Variants in RADIL observed in about 807,000 individuals in gnomAD.
RADIL encodes Rap associating with DIL domain.
Under a neutral mutation model 97.6 loss-of-function variants are expected in RADIL, and 99 were observed. The observed-to-expected ratio is 1.01, with a 90% CI of 0.86 to 1.20. The LOEUF is 1.20. Among genes scored for constraint, RADIL ranks in the 50% most tolerant of loss-of-function variants. RADIL has a pLI of 0.00. For synonymous variants in RADIL, 803 were observed against 691.8 expected (o/e 1.16, Z -2.52); for missense variants, 1,765 against 1,498.9 (o/e 1.18, Z -2.93).
chr7:4,843,185 T>C (rs760603421), intron 2 of RADIL, among the ~76,000 whole-genome samples: 16 of 151,572 alleles, frequency 1.1e-4, no homozygotes, highest in Non-Finnish European at 1.9e-4. Flanking sequence ...AGCTAATTTT[T>C]TGTATTTTTA....
intron 2 of RADIL, among the ~76,000 whole-genome samples, chr7:4,841,051 G>A (rs572352007): frequency 1.1e-4 from 17 of 152,342 alleles, no homozygotes; most frequent in Middle Eastern, 3.4e-3. Context: ...CAGGACGGCC[G>A]CAGCCTTTCA....
rs550743194 is a variant in RADIL, at chr7:4,879,513, A to G, written c.-64-1310T>C. Among the ~76,000 whole-genome samples, 1 of 152,264 alleles carries G rather than the reference A, an allele frequency of 6.6e-6. No homozygotes were observed. Among genetic ancestry groups the G allele is most frequent in the East Asian group, 1.9e-4 (1 of 5,180 alleles). On this transcript the variant is annotated intron_variant, in intron 1 of 14. Coordinates refer to ENST00000399583, the MANE Select transcript of RADIL (RefSeq NM_018059.5). The surrounding 1 kb of genome is among the most constrained non-coding windows in gnomAD (Gnocchi z 4.1). ...GACGAGTGAGCCAGGAGGAAAGCCTATTTTCTGGAAAGCTCTGGAAAGAGT... is the reference window on the plus strand; with the variant it reads ...GACGAGTGAGCCAGGAGGAAAGCCTGTTTTCTGGAAAGCTCTGGAAAGAGT...
At position 4,798,640 on chromosome 7, in the gene RADIL, G is replaced by A. The variant is rs1232720062; in HGVS notation, c.*738C>T. 6.6e-6 allele frequency: 1 copy of A among 152,494 alleles called. No homozygotes were observed. Among genetic ancestry groups the A allele is most frequent in the African/African-American group, 2.4e-5 (1 of 41,462 alleles). 9.4% of individuals were successfully genotyped at this position (152,494 alleles called of 1,614,324 possible). On this transcript the variant is annotated 3_prime_UTR_variant, in exon 15 of 15. Transcript: ENST00000399583. ...CCGGGTTAGGGCCGGTGGCCAGGGG[G>A]ACGCTGGTGAGGATTAAGGGCCTGG... is the stretch of plus-strand genomic sequence containing the variant.
At position 4,849,048 on chromosome 7, in the gene RADIL, G is replaced by A. The variant is rs1783644893; in HGVS notation, c.536-12443C>T. On this transcript the variant is annotated intron_variant, in intron 2 of 14. Coordinates refer to ENST00000399583, the MANE Select transcript of RADIL (RefSeq NM_018059.5). The surrounding 1 kb of genome is among the most constrained non-coding windows in gnomAD (Gnocchi z 5.4). ...AGCTACTCGAGAGACTGAAGCAGGA[G>A]AATCGTTTGAACCTGGGAGGCAGAG... Among the ~76,000 whole-genome samples the A allele has an allele frequency of 6.6e-6, 1 of 151,582 alleles. No individual in the cohort carries two copies. Among genetic ancestry groups the A allele is most frequent in the Non-Finnish European group, 1.5e-5 (1 of 67,972 alleles).
At chr7:4,808,614 G>A in intron 9 of RADIL, 2 of 985,326 alleles carry the variant, frequency 2.0e-6, no homozygotes, top group Non-Finnish European at 2.4e-6. Flanking sequence ...TTTACAAGAA[G>A]CAGCCCCGCG....
intron 4 of RADIL, among the ~76,000 whole-genome samples, chr7:4,832,810 C>T (rs945486778): frequency 1.1e-4 from 16 of 150,754 alleles, no homozygotes; most frequent in African/African-American, 3.7e-4. Context: ...CTGAATGTAA[C>T]CGTGATGGCT....
In RADIL at chr7:4,836,588, G is replaced by A. The variant is rs779106158; in HGVS notation, c.553C>T (p.Arg185Trp). 9.3e-6 allele frequency: 15 copies of A among 1,607,386 alleles called. No individual in the cohort carries two copies. The highest frequency in any genetic ancestry group is 5.5e-5 in the South Asian group (5 of 91,048). ...TTCGCGCGACTCCGCTGCAGCCTCC[G>A]GGCCTGGGCGTTTATCCCTGGAACA... ...TITAGINAQA[R>W]RLQRSRAKGT... is the part of the protein sequence containing the mutation. The change falls in exon 3 of 15, where the codon CGG (arginine) becomes TGG (tryptophan). Residue 185 changes from arginine to tryptophan, a missense_variant. Coordinates refer to ENST00000399583, the MANE Select transcript of RADIL (RefSeq NM_018059.5).
chr7:4,840,242 G>A lies in RADIL; in HGVS notation c.536-3637C>T, dbSNP rs1415232151. ...AGTTCCCATAGAGAGAGCTGCAATC[G>A]TGCCCTGTTTGTGCCTGACCTGATA... On this transcript the variant is annotated intron_variant, in intron 2 of 14. Transcript: ENST00000399583. This position sits in a 1 kb window ranked among gnomAD's most constrained non-coding sequence, Gnocchi z 5.6. Among the ~76,000 whole-genome samples, 2 of 152,042 alleles carry A rather than the reference G, an allele frequency of 1.3e-5. No homozygotes were observed. Among genetic ancestry groups the A allele is most frequent in the Non-Finnish European group, 2.9e-5 (2 of 67,990 alleles).
rs981045115 is a variant in RADIL, at chr7:4,799,347, C to T, written c.*31G>A. Reference sequence around the variant, plus strand: ...CAGTGTCACCAGGTGGGACCGGGTGCCGGGCCTGTGGGGGTGTCCTCGCAG... The same window carrying T: ...CAGTGTCACCAGGTGGGACCGGGTGTCGGGCCTGTGGGGGTGTCCTCGCAG... On this transcript the variant is annotated 3_prime_UTR_variant, in exon 15 of 15. Coordinates refer to ENST00000399583, the MANE Select transcript of RADIL (RefSeq NM_018059.5). 2 of 1,605,242 alleles carry T rather than the reference C, an allele frequency of 1.2e-6. No homozygotes were observed. Among genetic ancestry groups the T allele is most frequent in the African/African-American group, 1.3e-5 (1 of 74,816 alleles).
At position 4,835,371 on chromosome 7, in the gene RADIL, CA is replaced by C. The variant is rs1331454133; in HGVS notation, c.784-133del. ...GCCACGGGCTCTCCATGTCCCTGGC[CA>C]CCCCCACACCAGAACCCCGACGGCT... On this transcript the variant is annotated intron_variant, in intron 3 of 14. Coordinates refer to ENST00000399583, the MANE Select transcript of RADIL (RefSeq NM_018059.5). The surrounding 1 kb of genome is among the most constrained non-coding windows in gnomAD (Gnocchi z 5.8). 2 of 1,165,258 alleles carry C rather than the reference CA, an allele frequency of 1.7e-6. No individual in the cohort carries two copies. The highest frequency in any genetic ancestry group is 3.0e-5 in the African/African-American group (2 of 65,594). 72.2% of individuals were successfully genotyped at this position (1,165,258 alleles called of 1,614,324 possible).
At position 4,834,514 on chromosome 7, in the gene RADIL, G is replaced by A. The variant is rs1783237446; in HGVS notation, c.1416+93C>T. On this transcript the variant is annotated intron_variant, in intron 4 of 14. Coordinates refer to ENST00000399583, the MANE Select transcript of RADIL (RefSeq NM_018059.5). This position sits in a 1 kb window ranked among gnomAD's most constrained non-coding sequence, Gnocchi z 6.0. ...AGCACAGCACCGTGGGGGTCAGATA[G>A]AGGCGCTCCCGCCTCCCAGCCGGGG... 8.1e-7 allele frequency: 1 copy of A among 1,237,830 alleles called. No homozygotes were observed. The highest frequency in any genetic ancestry group is 3.1e-5 in the East Asian group (1 of 32,174). 76.7% of individuals were successfully genotyped at this position (1,237,830 alleles called of 1,614,324 possible).
At chr7:4,805,932 C>A (rs1782292629) in intron 9 of RADIL, 1 of 985,272 alleles carries the variant, frequency 1.0e-6, no homozygotes, top group Non-Finnish European at 1.2e-6. Context: ...CCGGCCAGTG[C>A]CATCGGGAAC....
intron 12 of RADIL, among the ~76,000 whole-genome samples, chr7:4,801,410 C>T (rs796219443): frequency 1.2e-4 from 19 of 152,346 alleles, no homozygotes; most frequent in African/African-American, 4.3e-4. Flanking sequence ...AGACTCTCTC[C>T]CTCCCAGATC....
intron 5 of RADIL, among the ~76,000 whole-genome samples, chr7:4,826,610 G>A (rs1249851889): frequency 3.3e-5 from 5 of 151,836 alleles, no homozygotes; most frequent in African/African-American, 9.7e-5. Flanking sequence ...GCGCGTGCCT[G>A]TAATCCTAGC....
In RADIL at chr7:4,799,401, G is replaced by A. The variant is rs538956552; in HGVS notation, c.3205C>T (p.His1069Tyr). 4 of 1,613,812 alleles carry A rather than the reference G, an allele frequency of 2.5e-6. No individual in the cohort carries two copies. The highest frequency in any genetic ancestry group is 3.3e-5 in the Admixed American group (2 of 60,014). ...CCCTAGAGAGGGGGCGTGCGGAAAT[G>A]GATCTTCTTGGCTGTTTCCACGTCG... The part of the protein sequence containing the change: ...KSDVETAKKI[H>Y]FRTPPL Residue 1069 changes from histidine (H) to tyrosine (Y), a missense_variant, in exon 15 of 15, where the codon CAT becomes TAT. His to Tyr is a moderately conservative substitution (Grantham distance 83, BLOSUM62 2). Transcript: ENST00000399583.
rs550434468 is a variant in RADIL at position 4,809,615 on chromosome 7, C to T, written c.2140-3899G>A. The T allele has an allele frequency of 6.1e-6, 6 of 985,444 alleles. No individual in the cohort carries two copies. The African/African-American group carries it at 8.7e-5, about 14-fold the overall frequency. The allele number at this position is 985,444 out of a possible 1,614,324, so 61.0% of individuals were successfully genotyped here. ...GCAGACACGCTCCTTGAACTCGACT[C>T]CTTCAGCTCAACCTGCCCTTTCAGG... On this transcript the variant is annotated intron_variant, in intron 9 of 14. Transcript: ENST00000399583.
chr7:4,821,274 G>A lies in RADIL; in HGVS notation c.1615+1120C>T, dbSNP rs1390407279. Among the ~76,000 whole-genome samples the A allele has an allele frequency of 6.6e-6, 1 of 152,208 alleles. No homozygotes were observed. Among genetic ancestry groups the A allele is most frequent in the African/African-American group, 2.4e-5 (1 of 41,470 alleles). On this transcript the variant is annotated intron_variant, in intron 6 of 14. Transcript: ENST00000399583. This position sits in a 1 kb window ranked among gnomAD's most constrained non-coding sequence, Gnocchi z 5.2. ...GCCTGACAGCCCACCCCACAGATGT[G>A]AGGGCAGTGGGTGGACAGCAAGGCC...
At chr7:4,841,710 A>G (rs1783444085) in intron 2 of RADIL, among the ~76,000 whole-genome samples, 1 of 152,210 alleles carries the variant, frequency 6.6e-6, no homozygotes, top group Non-Finnish European at 1.5e-5. Context: ...GCCTGGCTCC[A>G]AACATCTGCT....
In RADIL at chr7:4,805,618, G is replaced by A. The variant is rs1255083459; in HGVS notation, c.2238C>T (p.Pro746=). 1 of 1,611,580 alleles carries A rather than the reference G, an allele frequency of 6.2e-7. No homozygotes were observed. Among genetic ancestry groups the A allele is most frequent in the Non-Finnish European group, 8.5e-7 (1 of 1,179,816 alleles). The change falls in exon 10 of 15, where the codon CCC becomes CCT. Residue 746 remains proline (P), a synonymous_variant. Coordinates refer to ENST00000399583, the MANE Select transcript of RADIL (RefSeq NM_018059.5). ...GGGCCCCTGGCTCCCAGGTGCTCAT[G>A]GGGCCCATGGCCGAGGCCAGCTGGT... is the stretch of plus-strand genomic sequence containing the variant. ...THYQLASAMG[P]MSTWEPGAQD... is the part of the protein sequence containing the mutation.
Sources: allele counts gnomAD v4.1 joint callset (sites outside exome capture counted in the v4.1 genomes callset), GRCh38; gene constraint gnomAD v4.1.1; non-coding constraint Gnocchi (gnomAD v3.1); transcripts MANE v1.5; gene names NCBI Gene and HGNC (gene_info 2026-07-23, HGNC 2026-07-21).